Variants in SYNE2 observed in about 807,000 individuals in gnomAD.
SYNE2 encodes nesprin-2.
In SYNE2, 431 loss-of-function variants were observed where a neutral mutation model predicts 856.3. The ratio of observed to expected loss-of-function variants is 0.50; its 90% CI spans 0.47 to 0.55. SYNE2 has a LOEUF of 0.55. SYNE2 is among the 20% of genes least tolerant of loss of function. SYNE2 has a pLI of 0.00. For synonymous variants in SYNE2, 2,923 were observed against 2,872.3 expected, an observed-to-expected ratio of 1.02 and a Z score of -0.56; for missense variants, 8,129 against 8,023.2, an observed-to-expected ratio of 1.01 and a Z score of -0.50.
At chr14:64,085,154 C>G in intron 57 of SYNE2, 1 of 583,894 alleles carries the variant, frequency 1.7e-6, no homozygotes, top group South Asian at 2.2e-5. Context: ...CTCACTGCAG[C>G]CTCCACCTTC....
At position 63,961,002 on chromosome 14, in the gene SYNE2, T is replaced by A. The variant is rs1194774607; in HGVS notation, c.788-523T>A. The A allele has an allele frequency of 1.6e-5, 8 of 502,702 alleles. No individual in the cohort carries two copies. In the South Asian group the frequency reaches 1.9e-4, roughly 12 times the overall value. The allele number at this position is 502,702 out of a possible 1,614,324, so 31.1% of individuals were successfully genotyped here. A position where few individuals can be genotyped will look rare whatever the true frequency, so the allele number is the denominator to read the frequency against. The stretch of plus-strand genomic sequence containing the variant: ...ACACAAAGCCTGGCCTGTAGAAGGC[T>A]TTCAGTAGATTTACTTGTTCCATGA... On this transcript the variant is annotated intron_variant, in intron 8 of 115. Transcript: ENST00000555002.
intron 79 of SYNE2, among the ~76,000 whole-genome samples, chr14:64,139,481 G>A (rs188955933): frequency 1.3e-5 from 2 of 151,720 alleles, no homozygotes; most frequent in South Asian, 2.1e-4. Context: ...GCGCAATCTC[G>A]GCTCACTGCA....
At chr14:64,047,398 T>C (rs1219149597) in intron 45 of SYNE2, among the ~76,000 whole-genome samples, 1 of 151,902 alleles carries the variant, frequency 6.6e-6, no homozygotes, top group East Asian at 1.9e-4. Flanking sequence ...ATATGTAAAA[T>C]AGGGGAAGGG....
chr14:64,026,799 G>A, intron 42 of SYNE2, 69 bp downstream of exon 42: 1 of 1,531,384 alleles, frequency 6.5e-7, no homozygotes. Flanking sequence ...AGTATGTTTT[G>A]TCTGCCCCCT....
intron 1 of SYNE2, among the ~76,000 whole-genome samples, chr14:63,830,403 G>A (rs1889625974): frequency 6.6e-6 from 1 of 152,022 alleles, no homozygotes; most frequent in African/African-American, 2.4e-5. Flanking sequence ...GCTCATGCCT[G>A]TAATCCCAGC....
At chr14:64,208,503 T>TG (rs1002855127) in intron 100 of SYNE2, among the ~76,000 whole-genome samples, 1 of 152,216 alleles carries the variant, frequency 6.6e-6, no homozygotes, top group African/African-American at 2.4e-5. Context: ...CCCATCACCG[T>TG]GGCACCCCTC....
At chr14:64,157,867 T>A (rs971438335) in intron 85 of SYNE2, among the ~76,000 whole-genome samples, 1 of 152,242 alleles carries the variant, frequency 6.6e-6, no homozygotes, top group Non-Finnish European at 1.5e-5. Context: ...TATTGACCAT[T>A]ATATATGTTC....
chr14:63,893,324 C>T (rs909443572), intron 1 of SYNE2, among the ~76,000 whole-genome samples: 24 of 152,140 alleles, frequency 1.6e-4, no homozygotes, highest in African/African-American at 5.8e-4. Flanking sequence ...TTTGGGAGGC[C>T]AAAGCAGTCG....
chr14:63,868,775 T>C (rs974904232), intron 1 of SYNE2, among the ~76,000 whole-genome samples: 11 of 152,154 alleles, frequency 7.2e-5, no homozygotes, highest in African/African-American at 2.7e-4. Context: ...ATAACAAAAA[T>C]TCCTTAAAAG....
intron 1 of SYNE2, among the ~76,000 whole-genome samples, chr14:63,789,757 G>A (rs977666297): frequency 1.3e-5 from 2 of 151,144 alleles, no homozygotes; most frequent in African/African-American, 4.9e-5. Flanking sequence ...CAGCCTGGGC[G>A]ACAGTGAGAC....
chr14:64,163,397 T>C lies in SYNE2; in HGVS notation c.16300-5T>C, dbSNP rs752125827. The stretch of plus-strand genomic sequence containing the variant: ...AGGTGTTTGCCATCCCTTTTTCTTC[T>C]GCAGGAGCTGCAGCATGATGTGCAG... On this transcript the variant is annotated splice_region_variant and splice_polypyrimidine_tract_variant and intron_variant, in intron 88 of 115. Transcript: ENST00000555002. 1 of 1,613,784 alleles carries C rather than the reference T, an allele frequency of 6.2e-7. No individual in the cohort carries two copies. Among genetic ancestry groups the C allele is most frequent in the South Asian group, 1.1e-5 (1 of 91,068 alleles).
intron 110 of SYNE2, among the ~76,000 whole-genome samples, chr14:64,219,841 C>T (rs1023650958): frequency 2.0e-5 from 3 of 152,116 alleles, no homozygotes; most frequent in Non-Finnish European, 2.9e-5. Flanking sequence ...TGATGAATCC[C>T]GTGGCCTGAC....
chr14:63,971,207 G>A (rs1246920060), intron 11 of SYNE2, among the ~76,000 whole-genome samples: 3 of 151,420 alleles, frequency 2.0e-5, no homozygotes, highest in Admixed American at 6.6e-5. Context: ...TGCTTCCCGA[G>A]CTCAGTCAAT....
Position 64,167,398 on chromosome 14 carries a change from C to A in SYNE2, c.16760+11C>A, listed in dbSNP as rs373015227. On this transcript the variant is annotated intron_variant, in intron 91 of 115. Coordinates refer to ENST00000555002, the MANE Select transcript of SYNE2 (RefSeq NM_182914.3). ...ACTGGAGCGCTGCAGGTTAGAACAT[C>A]CCTTCTCTGTCGTTGTTTCAATTAA... is the stretch of plus-strand genomic sequence containing the variant. 55 of 1,614,100 alleles carry A rather than the reference C, an allele frequency of 3.4e-5. 1 individual carries two copies. Among genetic ancestry groups the A allele is most frequent in the Non-Finnish European group, 3.3e-5 (39 of 1,180,054 alleles).
chr14:64,164,203 G>T (rs1469642482), intron 89 of SYNE2, among the ~76,000 whole-genome samples: 1 of 151,986 alleles, frequency 6.6e-6, no homozygotes. Context: ...TCCGCCTCCT[G>T]GGTTTATGCC....
rs540541655 is a variant in SYNE2, at chr14:64,151,420, TAAA to T, written c.15640-1120_15640-1118del. On this transcript the variant is annotated intron_variant, in intron 84 of 115. Coordinates refer to ENST00000555002, the MANE Select transcript of SYNE2 (RefSeq NM_182914.3). ...CATGCAGTGATTCTTACAAAGGATTTAAAAAAAAAAAAAAAAAAAAAAAAAAGC... is the reference window on the plus strand; with the variant it reads ...CATGCAGTGATTCTTACAAAGGATTTAAAAAAAAAAAAAAAAAAAAAAAGC... 8.5e-3 allele frequency among the ~76,000 whole-genome samples: 164 copies of T among 19,300 alleles called. 5 individuals carry two copies. The highest frequency in any genetic ancestry group is 0.031 in the African/African-American group (131 of 4,278). The allele number at this position is 19,300 out of a possible 152,430, so 12.7% of individuals were successfully genotyped here.
At chr14:63,820,654 A>G (rs1481938044) in intron 1 of SYNE2, among the ~76,000 whole-genome samples, 1 of 152,220 alleles carries the variant, frequency 6.6e-6, no homozygotes, top group Non-Finnish European at 1.5e-5. Context: ...CTGATAAAGC[A>G]CTTATATCCA....
intron 1 of SYNE2, among the ~76,000 whole-genome samples, chr14:63,866,791 G>A (rs936655491): frequency 6.6e-6 from 1 of 152,102 alleles, no homozygotes; most frequent in African/African-American, 2.4e-5. Context: ...AGGCAACATA[G>A]TGAGATCCCG....
rs202235545 is a variant in SYNE2, at chr14:64,224,527, G to A, written c.20449G>A (p.Val6817Met). The A allele has an allele frequency of 1.9e-5, 30 of 1,614,064 alleles. No individual in the cohort carries two copies. The highest frequency in any genetic ancestry group is 1.1e-4 in the East Asian group (5 of 44,870). ...GGGGGACCAGCCTCCTGCAACATCC[G>A]TGCCAGCTCCCCGAGCAAAGGTAAG... ...DSGDQPPATS[V>M]PAPRAKFRAV... is the part of the protein sequence containing the mutation. Residue 6817 changes from valine (V) to methionine (M), a missense_variant, in exon 114 of 116, where the codon GTG (valine) becomes ATG (methionine). Val to Met is a conservative substitution (Grantham distance 21). Coordinates refer to ENST00000555002, the MANE Select transcript of SYNE2 (RefSeq NM_182914.3).
Sources: allele counts gnomAD v4.1 joint callset (sites outside exome capture counted in the v4.1 genomes callset), GRCh38; gene constraint gnomAD v4.1.1; transcripts MANE v1.5; gene names NCBI Gene and HGNC (gene_info 2026-07-23, HGNC 2026-07-21).